Variants in FOCAD observed in about 807,000 individuals in gnomAD.
FOCAD encodes focadhesin.
FOCAD carries 198 observed loss-of-function variants against 225.6 expected under a neutral mutation model. The observed-to-expected ratio is 0.88, with a 90% CI of 0.78 to 0.99. The LOEUF (loss-of-function observed/expected upper bound fraction) is 0.99, where lower values mean the gene tolerates loss of function less well. Ranked by LOEUF, FOCAD falls within the 50% of genes least tolerant of loss-of-function variation. FOCAD has a pLI of 0.00. For missense variants in FOCAD, 2,713 were observed against 2,123.6 expected, an observed-to-expected ratio of 1.28 and a Z score of -5.46; for synonymous variants, 897 against 755.0, an observed-to-expected ratio of 1.19 and a Z score of -3.08.
chr9:20,971,489 G>T (rs897026766), intron 35 of FOCAD, among the ~76,000 whole-genome samples: 2 of 151,600 alleles, frequency 1.3e-5, no homozygotes, highest in Admixed American at 1.3e-4. Flanking sequence ...GCTTAGGCTG[G>T]AGTACAATGG....
chr9:20,983,489 T>C (rs1005526113), intron 39 of FOCAD, among the ~76,000 whole-genome samples: 7 of 151,004 alleles, frequency 4.6e-5, no homozygotes, highest in East Asian at 1.9e-4. Context: ...GGAGAATCGC[T>C]TGAACCCGGG....
chr9:20,809,328 A>G (rs1275654909), intron 11 of FOCAD, among the ~76,000 whole-genome samples: 1 of 152,178 alleles, frequency 6.6e-6, no homozygotes, highest in East Asian at 1.9e-4. Context: ...TGTGGTAACC[A>G]CTAGTCACAT....
intron 21 of FOCAD, among the ~76,000 whole-genome samples, chr9:20,897,238 A>G (rs957718849): frequency 1.3e-5 from 2 of 151,734 alleles, no homozygotes; most frequent in Admixed American, 6.6e-5. Context: ...TAATGTTAGC[A>G]TAGTGTCTTT....
In FOCAD at chr9:20,846,493, A is replaced by G. The variant is rs189549595; in HGVS notation, c.1921-16085A>G. On this transcript the variant is annotated intron_variant, in intron 15 of 43. Transcript: ENST00000338382. ...TAATTGTGAGGATTAAAGAGAGTGAAGGAGAAATGACAGCTTTTAAAATCT... is the reference window on the plus strand; with the variant it reads ...TAATTGTGAGGATTAAAGAGAGTGAGGGAGAAATGACAGCTTTTAAAATCT... Among the ~76,000 whole-genome samples, 26 of 152,232 alleles carry G rather than the reference A, an allele frequency of 1.7e-4. No homozygotes were observed. In the East Asian group the frequency reaches 4.8e-3, roughly 28 times the overall value.
intron 35 of FOCAD, among the ~76,000 whole-genome samples, chr9:20,954,130 T>G (rs1837927937): frequency 6.6e-6 from 1 of 152,188 alleles, no homozygotes; most frequent in African/African-American, 2.4e-5. Context: ...CATGATTTAC[T>G]TATCCTCAGT....
chr9:20,835,505 C>T (rs1374047419), intron 15 of FOCAD, among the ~76,000 whole-genome samples: 1 of 152,020 alleles, frequency 6.6e-6, no homozygotes, highest in Non-Finnish European at 1.5e-5. Context: ...AACCTGTGCT[C>T]CATGTTGTGG....
intron 11 of FOCAD, among the ~76,000 whole-genome samples, chr9:20,815,130 TTTTTTTG>T (rs1170092361): frequency 0.019 from 1,646 of 87,414 alleles, 147 homozygotes; most frequent in Non-Finnish European, 0.028. Flanking sequence ...TTTGTTTTTT[TTTTTTTG>T]TTTTTTTTTT....
At chr9:20,751,159 T>C (rs970135102) in intron 5 of FOCAD, among the ~76,000 whole-genome samples, 4 of 151,914 alleles carry the variant, frequency 2.6e-5, no homozygotes, top group African/African-American at 9.7e-5. Context: ...CTTCCATTTT[T>C]TTTTTTAATT....
intron 35 of FOCAD, among the ~76,000 whole-genome samples, chr9:20,960,174 C>T (rs10811436): frequency 0.36 from 54,520 of 151,914 alleles, 10,043 homozygotes; most frequent in East Asian, 0.46. Context: ...TTGACTTTAA[C>T]GAGTTTTAAG....
chr9:20,661,800 C>T lies in FOCAD; in HGVS notation c.-78+2974C>T, dbSNP rs547498244. On this transcript the variant is annotated intron_variant, in intron 2 of 45. Coordinates refer to the FOCAD transcript ENST00000380249. Reference sequence around the variant, plus strand: ...AGACTCAGAAATTCTACTTCTGTCACTTTATCCTACAGATATACTTAGGCA... The same window carrying T: ...AGACTCAGAAATTCTACTTCTGTCATTTTATCCTACAGATATACTTAGGCA... Among the ~76,000 whole-genome samples, 8 of 152,310 alleles carry T rather than the reference C, an allele frequency of 5.3e-5. No homozygotes were observed. In the South Asian group the frequency reaches 1.7e-3, roughly 32 times the overall value.
rs780493762 is a variant in FOCAD, at chr9:20,789,371, C to A, written c.1218C>A (p.Cys406Ter). The A allele has an allele frequency of 1.9e-6, 3 of 1,613,532 alleles. No homozygotes were observed. The highest frequency in any genetic ancestry group is 1.1e-5 in the South Asian group (1 of 91,064). Residue 406 changes from cysteine (C) to a stop codon, truncating the protein, a stop_gained, in exon 11 of 44, where the codon TGC becomes TGA. Transcript: ENST00000338382. LOFTEE classifies it high-confidence loss of function. The part of the protein sequence containing the change: ...DHQKLSYKLV[C>*]PVTSMYGTIF... ...TTCAGCTCTCCTACAAGCTTGTGTG[C>A]CCTGTAACCAGTATGTATGGTACAA...
At chr9:20,800,265 C>T (rs1821646433) in intron 11 of FOCAD, among the ~76,000 whole-genome samples, 1 of 152,120 alleles carries the variant, frequency 6.6e-6, no homozygotes, top group Non-Finnish European at 1.5e-5. Flanking sequence ...ACCTTTCTCT[C>T]TGGCTTCCCT....
chr9:20,937,259 C>A (rs1836077362), intron 28 of FOCAD, among the ~76,000 whole-genome samples: 1 of 150,508 alleles, frequency 6.6e-6, no homozygotes, highest in Non-Finnish European at 1.5e-5. Context: ...AAAAAAGAGC[C>A]CACATTGCCA....
intron 11 of FOCAD, among the ~76,000 whole-genome samples, chr9:20,805,570 A>G (rs1053706593): frequency 2.6e-5 from 4 of 151,948 alleles, no homozygotes; most frequent in Non-Finnish European, 4.4e-5. Flanking sequence ...TCTTCCTTCC[A>G]TTATTTGATT....
chr9:20,691,128 A>C (rs1240610385), intron 1 of FOCAD, among the ~76,000 whole-genome samples: 1 of 151,962 alleles, frequency 6.6e-6, no homozygotes, highest in African/African-American at 2.4e-5. Context: ...TTTTTAGTAG[A>C]GATGGGGTTT....
rs567390382 is a variant in FOCAD, at chr9:20,940,283, C to CTT, written c.3408-4327_3408-4326dup. 2.3e-3 allele frequency among the ~76,000 whole-genome samples: 304 copies of CTT among 133,534 alleles called. 3 individuals are homozygous for CTT. Among genetic ancestry groups the CTT allele is most frequent in the African/African-American group, 7.6e-3 (274 of 36,206 alleles). The allele number at this position is 133,534 out of a possible 152,430, so 87.6% of individuals were successfully genotyped here. On this transcript the variant is annotated intron_variant, in intron 28 of 43. Transcript: ENST00000338382. ...GGTGTCAGTCCTTGTGCAGTTCTCC[C>CTT]TTTTTTTTTTTTTTTTTTGAGATAG...
rs1457097230 is a variant in FOCAD at position 20,990,153 on chromosome 9, A to G, written c.5035A>G (p.Thr1679Ala). The change falls in exon 42 of 44, where the codon ACC becomes GCC. Residue 1679 changes from threonine (T) to alanine (A), a missense_variant. Transcript: ENST00000338382. ...GGACTTCTTCTTGCTGATATTTGCA[A>G]CCGCAGTGGTTGCATGGGCTGACCA... ...ALDFFLLIFA[T>A]AVVAWADHTA... 5.6e-6 allele frequency: 9 copies of G among 1,613,992 alleles called. No homozygotes were observed. Among genetic ancestry groups the G allele is most frequent in the African/African-American group, 2.7e-5 (2 of 74,898 alleles).
rs528813704 is a variant in FOCAD at position 20,766,837 on chromosome 9, T to A, written c.699+1764T>A. ...TGCTGTTGATGTGGTCTTTTTTTTT[T>A]ATTATACTTTAAGTTTTAGGGTACA... On this transcript the variant is annotated intron_variant, in intron 7 of 43. Coordinates refer to ENST00000338382, the MANE Select transcript of FOCAD (RefSeq NM_001375567.1). 4.0e-5 allele frequency among the ~76,000 whole-genome samples: 6 copies of A among 150,062 alleles called. No individual in the cohort carries two copies. In the South Asian group the frequency reaches 6.4e-4, roughly 16 times the overall value.
chr9:20,990,469 G>C (rs1262768794), intron 42 of FOCAD, 95 bp downstream of exon 42: 1 of 1,415,340 alleles, frequency 7.1e-7, no homozygotes, highest in Non-Finnish European at 9.6e-7. Flanking sequence ...AGTGCGTCTT[G>C]AATCACACCA....
Sources: gnomAD v4.1 joint callset for allele counts (sites outside exome capture counted in the v4.1 genomes callset) on GRCh38, gnomAD v4.1.1 for gene constraint, MANE v1.5 for transcripts, NCBI Gene and HGNC (gene_info 2026-07-23, HGNC 2026-07-21) for gene names.